MYO1C: variants seen among roughly 807,000 people sequenced by gnomAD.
MYO1C encodes the protein myosin IC.
Under a neutral mutation model 150.8 loss-of-function variants are expected in MYO1C, and 104 were observed. The ratio of observed to expected loss-of-function variants is 0.69; its 90% CI spans 0.59 to 0.81. MYO1C has a LOEUF of 0.81. Among genes scored for constraint, MYO1C ranks in the 30% least tolerant of loss-of-function variants. The pLI is 0.00. For synonymous variants in MYO1C, 663 were observed against 579.9 expected (o/e 1.14, Z -2.06); for missense variants, 1,504 against 1,435.0 (o/e 1.05, Z -0.78).
chr17:1,467,628 A>AACCCCCCCCC, intron 29 of MYO1C, 51 bp from the exon 30 acceptor site: 2 of 1,516,900 alleles, frequency 1.3e-6, no homozygotes, highest in Admixed American at 1.8e-5. Flanking sequence ...AACTTGAGGA[A>AACCCCCCCCC]CCCCCGCCCC....
chr17:1,475,824 G>A (rs1325212363), intron 14 of MYO1C, among the ~76,000 whole-genome samples: 3 of 152,204 alleles, frequency 2.0e-5, no homozygotes, highest in Non-Finnish European at 1.5e-5. Context: ...CAGGGGCCCC[G>A]AAGGGCTGGG....
At position 1,478,559 on chromosome 17, in the gene MYO1C, C is replaced by T. The variant is rs2074447938; in HGVS notation, c.1212+57G>A. 5 of 1,613,722 alleles carry T rather than the reference C, an allele frequency of 3.1e-6. No homozygotes were observed. The African/African-American group carries it at 4.0e-5, about 13-fold the overall frequency. The stretch of plus-strand genomic sequence containing the variant: ...TGCCAGCCCCACCCTGCAGCACCCC[C>T]CGCCTCGCCGACGGCCCTCCCTTCT... On this transcript the variant is annotated intron_variant, in intron 10 of 31. Coordinates refer to ENST00000648651, the MANE Select transcript of MYO1C (RefSeq NM_001080779.2). This position sits in a 1 kb window ranked among gnomAD's most constrained non-coding sequence, Gnocchi z 6.3.
chr17:1,474,749 G>A (rs2074368524), intron 16 of MYO1C, 59 bp from the exon 17 acceptor site: 2 of 1,612,604 alleles, frequency 1.2e-6, no homozygotes, highest in Admixed American at 1.7e-5. Flanking sequence ...CAGGCTCCTG[G>A]ACACAGGTGC....
rs2074461984 is a variant in MYO1C, at chr17:1,479,187, T to C, written c.1092+244A>G. Among the ~76,000 whole-genome samples the C allele has an allele frequency of 6.6e-6, 1 of 152,140 alleles. No individual in the cohort carries two copies. The highest frequency in any genetic ancestry group is 2.1e-4 in the South Asian group (1 of 4,830). On this transcript the variant is annotated intron_variant, in intron 9 of 31. Transcript: ENST00000648651. This position sits in a 1 kb window ranked among gnomAD's most constrained non-coding sequence, Gnocchi z 4.2. ...TTTTTGTATTCTTAGTAGATGGGGT[T>C]TCACCATGTTGGCCAAGATGGTCTC...
intron 30 of MYO1C, 28 bp from the exon 31 acceptor site, chr17:1,467,369 T>C: frequency 6.2e-7 from 1 of 1,604,790 alleles, no homozygotes; most frequent in Non-Finnish European, 8.5e-7. Flanking sequence ...GTGAGGGTTT[T>C]TCCATGGAGG....
rs1310172083 is a variant in MYO1C, at chr17:1,479,705, C to G, written c.907G>C (p.Asp303His). The change falls in exon 8 of 32, where the codon GAC becomes CAC. Residue 303 changes from aspartate to histidine, a missense_variant and splice_region_variant. Physicochemically the swap from Asp to His is moderately conservative, Grantham distance 81. Coordinates refer to ENST00000648651, the MANE Select transcript of MYO1C (RefSeq NM_001080779.2). The surrounding 1 kb of genome is among the most constrained non-coding windows in gnomAD (Gnocchi z 4.2). ...VIDFTEDEVE[D>H]LLSIVASVLH... ...ACGCTGGCCACGATGCTCAGCAGGT[C>G]CTGGGGGAGCAGGCCGGGGGCAGGA... 1 of 1,608,542 alleles carries G rather than the reference C, an allele frequency of 6.2e-7. No individual in the cohort carries two copies. Among genetic ancestry groups the G allele is most frequent in the Admixed American group, 1.7e-5 (1 of 59,482 alleles).
intron 3 of MYO1C, among the ~76,000 whole-genome samples, chr17:1,483,408 G>C (rs1235347660): frequency 6.6e-6 from 1 of 152,084 alleles, no homozygotes; most frequent in Non-Finnish European, 1.5e-5. Context: ...TCATGGGTGT[G>C]AGTCGGGGTA....
At position 1,469,545 on chromosome 17, in the gene MYO1C, C is replaced by T. The variant is rs61753655; in HGVS notation, c.2596G>A (p.Glu866Lys). ...GCTCTCCGTACCTGCTGCTTCCACTCAGGGCTGATACTCCGGCAGTATTTC... is the reference window on the plus strand; with the variant it reads ...GCTCTCCGTACCTGCTGCTTCCACTTAGGGCTGATACTCCGGCAGTATTTC... ...VWKYCRSISP[E>K]WKQQLQQKAV... is the part of the protein sequence containing the mutation. The change falls in exon 25 of 32, where the codon GAG (glutamate) becomes AAG (lysine). Residue 866 changes from glutamate to lysine, a missense_variant. Physicochemically the swap from Glu to Lys is moderately conservative, Grantham distance 56 (BLOSUM62 1). Coordinates refer to ENST00000648651, the MANE Select transcript of MYO1C (RefSeq NM_001080779.2). 9.1e-3 allele frequency: 14,642 copies of T among 1,612,406 alleles called. 99 individuals are homozygous for T. The highest frequency in any genetic ancestry group is 0.011 in the Non-Finnish European group (12,622 of 1,179,236).
chr17:1,480,902 G>A lies in MYO1C; in HGVS notation c.628-17C>T, dbSNP rs1393993140. The A allele has an allele frequency of 2.5e-6, 4 of 1,613,128 alleles. No individual in the cohort carries two copies. Among genetic ancestry groups the A allele is most frequent in the South Asian group, 1.1e-5 (1 of 91,074 alleles). On this transcript the variant is annotated splice_polypyrimidine_tract_variant and intron_variant, in intron 5 of 31. Coordinates refer to ENST00000648651, the MANE Select transcript of MYO1C (RefSeq NM_001080779.2). ...GGGGGCACCCTGTGGGCAGGGCAGGGCATGAGGCCGGGTCACGGGGACTGG... is the reference window on the plus strand; with the variant it reads ...GGGGGCACCCTGTGGGCAGGGCAGGACATGAGGCCGGGTCACGGGGACTGG...
chr17:1,467,440 G>A (rs781277447), intron 30 of MYO1C, 40 bp downstream of exon 30: 12 of 1,600,532 alleles, frequency 7.5e-6, no homozygotes, highest in Admixed American at 1.7e-5. Context: ...CAGCCCCCTC[G>A]CCACCCCCGC....
At chr17:1,472,566 G>A (rs2074326519) in intron 17 of MYO1C, among the ~76,000 whole-genome samples, 1 of 152,242 alleles carries the variant, frequency 6.6e-6, no homozygotes, top group Non-Finnish European at 1.5e-5. Flanking sequence ...CATGTCCCAT[G>A]CTACGCATTC....
intron 17 of MYO1C, among the ~76,000 whole-genome samples, chr17:1,472,630 C>A (rs576014647): frequency 6.6e-6 from 1 of 152,190 alleles, no homozygotes; most frequent in East Asian, 1.9e-4. Context: ...TCAGGCCTGG[C>A]GGAGGAGCAC....
At chr17:1,473,386 G>A (rs2074342789) in intron 17 of MYO1C, among the ~76,000 whole-genome samples, 1 of 152,120 alleles carries the variant, frequency 6.6e-6, no homozygotes, top group South Asian at 2.1e-4. Context: ...GCTTGCTGGA[G>A]AGGCCTGGGC....
In MYO1C at chr17:1,474,979, C is replaced by T. The variant is rs140219180; in HGVS notation, c.1628G>A (p.Arg543His). 48 of 1,564,066 alleles carry T rather than the reference C, an allele frequency of 3.1e-5. No individual in the cohort carries two copies. Among genetic ancestry groups the T allele is most frequent in the African/African-American group, 5.4e-5 (4 of 73,482 alleles). The change falls in exon 15 of 32, where the codon CGC (arginine) becomes CAC (histidine). Residue 543 changes from arginine to histidine, a missense_variant. Coordinates refer to ENST00000648651, the MANE Select transcript of MYO1C (RefSeq NM_001080779.2). ...CACCTCCCCCGCATAGTGCAGAAGG[C>T]GGAATTCCCCTCGGCCCAGAGATTT... The part of the protein sequence containing the change: ...TRKSLGRGEF[R>H]LLHYAGEVTY...
chr17:1,467,628 A>ACCCCCACCCCCCCCCCCCCCCCCC, intron 29 of MYO1C, 51 bp from the exon 30 acceptor site: 1 of 1,516,910 alleles, frequency 6.6e-7, no homozygotes. Flanking sequence ...AACTTGAGGA[A>ACCCCCACCCCCCCCCCCCCCCCCC]CCCCCGCCCC....
At position 1,471,237 on chromosome 17, in the gene MYO1C, C is replaced by T. The variant is rs747007690; in HGVS notation, c.2121G>A (p.Glu707=). 6.2e-7 allele frequency: 1 copy of T among 1,614,036 alleles called. No individual in the cohort carries two copies. The highest frequency in any genetic ancestry group is 1.1e-5 in the South Asian group (1 of 91,084). Reference sequence around the variant, plus strand: ...ACACTACCCACCTGCCCATCTTGTACTCTTCTGGCTTGTAGCCCAGGTGTC... The same window carrying T: ...ACACTACCCACCTGCCCATCTTGTATTCTTCTGGCTTGTAGCCCAGGTGTC... ...LVRHLGYKPE[E]YKMGRTKIFI... The change falls in exon 20 of 32, where the codon GAG becomes GAA. Residue 707 remains glutamate (E), a synonymous_variant. Coordinates refer to ENST00000648651, the MANE Select transcript of MYO1C (RefSeq NM_001080779.2).
chr17:1,471,468 A>C (rs950693868), intron 19 of MYO1C, 132 bp from the exon 20 acceptor site: 1 of 741,406 alleles, frequency 1.3e-6, no homozygotes, highest in African/African-American at 1.7e-5. Context: ...TCACTCGGTC[A>C]CTGCCCCCAT....
intron 14 of MYO1C, chr17:1,477,179 C>T (rs939102462): frequency 8.5e-5 from 24 of 283,126 alleles, no homozygotes; most frequent in Middle Eastern, 1.2e-3. Flanking sequence ...TATTTTTTTC[C>T]CTTTTTTTTT....
chr17:1,468,166 C>T (rs376498323), intron 27 of MYO1C, 43 bp from the exon 28 acceptor site: 1 of 1,611,998 alleles, frequency 6.2e-7, no homozygotes, highest in Non-Finnish European at 8.5e-7. Flanking sequence ...GAGAGGCTCC[C>T]AAGGCTCCGC....
Sources: allele counts gnomAD v4.1 joint callset (sites outside exome capture counted in the v4.1 genomes callset), GRCh38; gene constraint gnomAD v4.1.1; non-coding constraint Gnocchi (gnomAD v3.1); transcripts MANE v1.5; gene names NCBI Gene and HGNC (gene_info 2026-07-23, HGNC 2026-07-21).